The following ENOX1 variants were observed in gnomAD, a reference collection of about 807,000 sequenced individuals.
ENOX1 encodes the protein candidate growth-related and time keeping constitutive hydroquinone (NADH) oxidase.
In ENOX1, 42 loss-of-function variants were observed where a neutral mutation model predicts 82.5. That is an observed-to-expected ratio of 0.51 (90% CI 0.40 to 0.66). ENOX1 has a LOEUF of 0.66. ENOX1 is among the 30% of genes least tolerant of loss of function. The probability of loss-of-function intolerance (pLI) is 0.00; values close to 1 mark genes in which losing one functional copy is unlikely to be tolerated. For synonymous variants in ENOX1, 271 were observed against 282.2 expected (o/e 0.96, Z 0.40); for missense variants, 608 against 811.6 (o/e 0.75, Z 3.05).
At chr13:43,511,275 T>G (rs2077359231) in intron 2 of ENOX1, among the ~76,000 whole-genome samples, 1 of 152,172 alleles carries the variant, frequency 6.6e-6, no homozygotes, top group Admixed American at 6.6e-5. Context: ...CATGACAAGC[T>G]TCTTTAAATA....
intron 5 of ENOX1, among the ~76,000 whole-genome samples, chr13:43,406,074 G>A (rs1173853470): frequency 6.6e-6 from 1 of 152,198 alleles, no homozygotes; most frequent in African/African-American, 2.4e-5. Flanking sequence ...TTGAGGAGAT[G>A]AAAGGATTTA....
At chr13:43,502,214 G>A (rs981319643) in intron 2 of ENOX1, among the ~76,000 whole-genome samples, 2 of 151,494 alleles carry the variant, frequency 1.3e-5, no homozygotes, top group Non-Finnish European at 3.0e-5. Flanking sequence ...CAAATAAGGA[G>A]AGCTAATAAG....
intron 1 of ENOX1, among the ~76,000 whole-genome samples, chr13:43,706,775 T>C (rs1424509241): frequency 1.3e-5 from 2 of 151,858 alleles, no homozygotes; most frequent in Non-Finnish European, 2.9e-5. Flanking sequence ...AAAAAAAATC[T>C]CACTCTAATA....
intron 1 of ENOX1, among the ~76,000 whole-genome samples, chr13:43,784,310 G>A (rs1254954406): frequency 6.6e-6 from 1 of 152,038 alleles, no homozygotes; most frequent in African/African-American, 2.4e-5. Context: ...AATCCCTTAG[G>A]GAAATCAAGG....
At position 43,561,521 on chromosome 13, in the gene ENOX1, TA is replaced by T. The variant is rs1237127710; in HGVS notation, c.-218-77370del. ...GGGTGAATGGAGTTATGATGTAAAG[TA>T]GTGCCTGGGATACACATAGCACATT... is the stretch of plus-strand genomic sequence containing the variant. On this transcript the variant is annotated intron_variant, in intron 2 of 16. Transcript: ENST00000690772. Among the ~76,000 whole-genome samples, 3 of 152,154 alleles carry T rather than the reference TA, an allele frequency of 2.0e-5. No individual in the cohort carries two copies. In the East Asian group the frequency reaches 5.8e-4, roughly 29 times the overall value.
intron 14 of ENOX1, among the ~76,000 whole-genome samples, chr13:43,252,343 G>C (rs774462781): frequency 1.1e-4 from 17 of 152,198 alleles, no homozygotes; most frequent in Non-Finnish European, 1.8e-4. Flanking sequence ...TTCCAAGCCT[G>C]GCGGAATGTC....
At position 43,411,986 on chromosome 13, in the gene ENOX1, T is replaced by C. The variant is rs2054158090; in HGVS notation, c.138A>G (p.Thr46=). The change falls in exon 5 of 17, where the codon ACA becomes ACG. Residue 46 remains threonine, a synonymous_variant. Transcript: ENST00000690772. The part of the protein sequence containing the change: ...TQLNMSVTDP[T]AWATAMNNLG... ...GGTTATTCATGGCTGTAGCCCAGGC[T>C]GTGGGATCTGTCACGGACATGTTGA... 1 of 1,614,206 alleles carries C rather than the reference T, an allele frequency of 6.2e-7. No individual in the cohort carries two copies. Among genetic ancestry groups the C allele is most frequent in the Non-Finnish European group, 8.5e-7 (1 of 1,180,040 alleles).
chr13:43,689,424 A>G (rs2086238529), intron 1 of ENOX1, among the ~76,000 whole-genome samples: 1 of 152,234 alleles, frequency 6.6e-6, no homozygotes, highest in Non-Finnish European at 1.5e-5. Flanking sequence ...ATACTTAATC[A>G]ATGTATGTAG....
At chr13:43,442,184 T>C (rs1221919634) in intron 3 of ENOX1, among the ~76,000 whole-genome samples, 2 of 152,280 alleles carry the variant, frequency 1.3e-5, no homozygotes, top group African/African-American at 4.8e-5. Context: ...CAGGCTGGTC[T>C]CAGCTGCCCA....
chr13:43,656,507 C>T (rs2084438863), intron 2 of ENOX1, among the ~76,000 whole-genome samples: 1 of 152,170 alleles, frequency 6.6e-6, no homozygotes, highest in Admixed American at 6.5e-5. Flanking sequence ...CCATACATTA[C>T]GCTGAGCCTC....
At chr13:43,313,148 C>T (rs2047302802) in intron 11 of ENOX1, among the ~76,000 whole-genome samples, 2 of 152,144 alleles carry the variant, frequency 1.3e-5, no homozygotes. Flanking sequence ...CTAGGCTTTC[C>T]ACTTACGATC....
intron 15 of ENOX1, among the ~76,000 whole-genome samples, chr13:43,225,584 A>G (rs185626021): frequency 6.6e-6 from 1 of 152,192 alleles, no homozygotes; most frequent in Admixed American, 6.5e-5. Flanking sequence ...ATGAAATGCC[A>G]TCTGGGTGGG....
chr13:43,665,578 G>A (rs2084937013), intron 2 of ENOX1, among the ~76,000 whole-genome samples: 1 of 152,026 alleles, frequency 6.6e-6, no homozygotes, highest in African/African-American at 2.4e-5. Flanking sequence ...GATTTAAACG[G>A]TATTGAATTA....
chr13:43,310,130 G>C (rs201876548), intron 11 of ENOX1, among the ~76,000 whole-genome samples: 2 of 148,622 alleles, frequency 1.3e-5, no homozygotes, highest in East Asian at 2.0e-4. Context: ...TTGAACCCGG[G>C]AGAGGTTGCA....
intron 1 of ENOX1, among the ~76,000 whole-genome samples, chr13:43,767,562 C>T (rs148527380): frequency 6.0e-4 from 92 of 152,316 alleles, no homozygotes; most frequent in African/African-American, 1.8e-3. Context: ...AAGTTTCTAA[C>T]AATCAGTGCA....
rs541137323 is a variant in ENOX1 at position 43,404,027 on chromosome 13, C to T, written c.208+7889G>A. Among the ~76,000 whole-genome samples, 8 of 152,148 alleles carry T rather than the reference C, an allele frequency of 5.3e-5. No individual in the cohort carries two copies. The South Asian group carries it at 1.7e-3, about 32-fold the overall frequency. On this transcript the variant is annotated intron_variant, in intron 5 of 16. Transcript: ENST00000690772. ...GATGTATCTAGGCCATCTACCTCTGCCCCATCTACCTCTGCCATCCCTTTT... is the reference window on the plus strand; with the variant it reads ...GATGTATCTAGGCCATCTACCTCTGTCCCATCTACCTCTGCCATCCCTTTT...
intron 2 of ENOX1, among the ~76,000 whole-genome samples, chr13:43,623,488 T>G (rs751773615): frequency 1.1e-4 from 17 of 151,996 alleles, no homozygotes; most frequent in Non-Finnish European, 2.2e-4. Flanking sequence ...CCAGGTAAAC[T>G]CGGAAACTTC....
chr13:43,279,810 C>T (rs1032376851), intron 12 of ENOX1, among the ~76,000 whole-genome samples: 3 of 152,194 alleles, frequency 2.0e-5, no homozygotes, highest in African/African-American at 7.2e-5. Flanking sequence ...GATTAATATT[C>T]AGAGAGAAAG....
At chr13:43,773,325 T>C (rs537879760) in intron 1 of ENOX1, among the ~76,000 whole-genome samples, 1 of 152,348 alleles carries the variant, frequency 6.6e-6, no homozygotes, top group African/African-American at 2.4e-5. Flanking sequence ...ATGGTTCATT[T>C]TGTGTCATGT....
Sources: allele counts gnomAD v4.1 joint callset (sites outside exome capture counted in the v4.1 genomes callset), GRCh38; gene constraint gnomAD v4.1.1; transcripts MANE v1.5; gene names NCBI Gene and HGNC (gene_info 2026-07-23, HGNC 2026-07-21).